The following XRN1 variants were observed in gnomAD, a reference collection of about 807,000 sequenced individuals.
XRN1 encodes the protein 5'-3' exoribonuclease 1.
XRN1 carries 67 observed loss-of-function variants against 222.3 expected under a neutral mutation model. The ratio of observed to expected loss-of-function variants is 0.30; its 90% confidence interval spans 0.25 to 0.37. The LOEUF (loss-of-function observed/expected upper bound fraction) is 0.37. XRN1 is among the 10% of genes least tolerant of loss of function. The pLI is 1.00. For synonymous variants in XRN1, 643 were observed against 652.4 expected (o/e 0.99, Z 0.22); for missense variants, 1,707 against 2,000.2 (o/e 0.85, Z 2.80).
At chr3:142,393,792 T>A (rs2067826199) in intron 20 of XRN1, among the ~76,000 whole-genome samples, 1 of 152,122 alleles carries the variant, frequency 6.6e-6, no homozygotes, top group Admixed American at 6.5e-5. Context: ...CAATTTTATC[T>A]AGGATTTCCA....
intron 37 of XRN1, among the ~76,000 whole-genome samples, chr3:142,323,719 T>A (rs1011016360): frequency 6.6e-6 from 1 of 152,158 alleles, no homozygotes; most frequent in Non-Finnish European, 1.5e-5. Context: ...GGCATGTGCC[T>A]GTAATCCTAG....
chr3:142,418,482 A>G (rs755931031), intron 12 of XRN1, 22 bp downstream of exon 12: 13 of 1,541,364 alleles, frequency 8.4e-6, no homozygotes. Context: ...ATTTTAAAAT[A>G]AAAGCATTGG....
intron 19 of XRN1, among the ~76,000 whole-genome samples, chr3:142,399,607 G>A (rs2068052166): frequency 6.6e-6 from 1 of 151,704 alleles, no homozygotes. Context: ...AAAGGTAGGG[G>A]AATTAAATTC....
At chr3:142,413,632 T>C (rs765479636) in intron 14 of XRN1, among the ~76,000 whole-genome samples, 7 of 152,240 alleles carry the variant, frequency 4.6e-5, no homozygotes, top group Non-Finnish European at 8.8e-5. Context: ...CTGAAATATT[T>C]TCCTCCTGTT....
chr3:142,324,990 A>C (rs2065477682), intron 37 of XRN1, among the ~76,000 whole-genome samples: 1 of 152,130 alleles, frequency 6.6e-6, no homozygotes, highest in Non-Finnish European at 1.5e-5. Context: ...TTGATTTTGT[A>C]TCTTGGCTTT....
chr3:142,426,137 T>G (rs2069236447), intron 3 of XRN1, among the ~76,000 whole-genome samples: 1 of 152,140 alleles, frequency 6.6e-6, no homozygotes, highest in Admixed American at 6.5e-5. Context: ...AAGGGCAAAT[T>G]ACCACTGTTA....
intron 32 of XRN1, among the ~76,000 whole-genome samples, chr3:142,351,157 C>G (rs1420752869): frequency 6.6e-6 from 1 of 151,858 alleles, no homozygotes; most frequent in Non-Finnish European, 1.5e-5. Flanking sequence ...ATCTATGTAT[C>G]TATCTATCTA....
In XRN1 at chr3:142,440,987, G is replaced by T. The variant is rs923162875; in HGVS notation, c.75+6883C>A. Among the ~76,000 whole-genome samples the T allele has an allele frequency of 4.6e-5, 7 of 152,158 alleles. No individual in the cohort carries two copies. The South Asian group carries it at 6.2e-4, about 13-fold the overall frequency. ...GGACACTCTTGTCCTTCGGTACGCG[G>T]ATGATTTACTTTTGGCCGCCCATTC... On this transcript the variant is annotated intron_variant, in intron 1 of 40. Transcript: ENST00000392981.
chr3:142,435,270 T>C (rs55810370), intron 1 of XRN1: 12,038 of 151,758 alleles, frequency 0.079, 1,602 homozygotes, highest in African/African-American at 0.28. Flanking sequence ...TGGTGGCAGG[T>C]GCCTATAGTC....
chr3:142,369,062 A>G (rs990792972), intron 27 of XRN1, among the ~76,000 whole-genome samples: 7 of 152,184 alleles, frequency 4.6e-5, no homozygotes, highest in Admixed American at 1.3e-4. Context: ...ATTCAAACTC[A>G]GGGTGTTAGG....
At chr3:142,357,424 GAATT>G (rs202239943) in intron 30 of XRN1, among the ~76,000 whole-genome samples, 6 of 148,534 alleles carry the variant, frequency 4.0e-5, no homozygotes, top group East Asian at 1.9e-4. Flanking sequence ...GAAAATTTAT[GAATT>G]AATTTTTTTT....
In XRN1 at chr3:142,324,710, C is replaced by G. The variant is rs940591828; in HGVS notation, c.4404+4724G>C. Among the ~76,000 whole-genome samples, 3 of 152,028 alleles carry G rather than the reference C, an allele frequency of 2.0e-5. No individual in the cohort carries two copies. The South Asian group carries it at 6.2e-4, about 31-fold the overall frequency. ...TGGTTGAACTAGTTTACAGTCCCAA[C>G]AACAGTGTAAAAGTGTTCCTATTTC... On this transcript the variant is annotated intron_variant, in intron 37 of 40. Coordinates refer to ENST00000392981, the MANE Select transcript of XRN1 (RefSeq NM_001282857.2).
intron 40 of XRN1, among the ~76,000 whole-genome samples, 173 bp from the exon 41 acceptor site, chr3:142,311,986 A>G (rs2065088943): frequency 6.6e-6 from 1 of 152,188 alleles, no homozygotes; most frequent in South Asian, 2.1e-4. Flanking sequence ...AGTTACAAAC[A>G]AAATATTTAA....
Position 142,307,275 on chromosome 3 carries a change from A to G in XRN1, c.*4236T>C, listed in dbSNP as rs1577190867. 1 of 152,290 alleles carries G rather than the reference A, an allele frequency of 6.6e-6. No homozygotes were observed. Among genetic ancestry groups the G allele is most frequent in the Admixed American group, 6.5e-5 (1 of 15,296 alleles). The allele number at this position is 152,290 out of a possible 1,614,324, so 9.4% of individuals were successfully genotyped here. On this transcript the variant is annotated 3_prime_UTR_variant, in exon 41 of 41. Transcript: ENST00000392981. The stretch of plus-strand genomic sequence containing the variant: ...CAGCATGAGAATTTGGCTTCAAATT[A>G]CTAAAACAGCTACAGAAACCTATTT...
At chr3:142,427,277 G>A (rs1248993147) in intron 2 of XRN1, among the ~76,000 whole-genome samples, 1 of 152,082 alleles carries the variant, frequency 6.6e-6, no homozygotes. Context: ...AGATTGCAAT[G>A]AGTGATGATT....
intron 33 of XRN1, among the ~76,000 whole-genome samples, chr3:142,338,680 T>G (rs1262587045): frequency 6.6e-6 from 1 of 152,130 alleles, no homozygotes; most frequent in Non-Finnish European, 1.5e-5. Context: ...GTGTGGTTTT[T>G]AGATGGCATT....
At chr3:142,384,207 G>GC (rs2067408092) in intron 21 of XRN1, among the ~76,000 whole-genome samples, 2 of 150,406 alleles carry the variant, frequency 1.3e-5, no homozygotes. Context: ...AGAAGGCGGA[G>GC]CCTGCAGTGA....
At chr3:142,378,149 G>A (rs2067196899) in intron 23 of XRN1, among the ~76,000 whole-genome samples, 3 of 152,194 alleles carry the variant, frequency 2.0e-5, no homozygotes, top group Admixed American at 2.0e-4. Flanking sequence ...CAATCAATAA[G>A]AACAAATGAC....
intron 32 of XRN1, among the ~76,000 whole-genome samples, chr3:142,350,228 C>T (rs940790473): frequency 6.6e-6 from 1 of 151,972 alleles, no homozygotes; most frequent in African/African-American, 2.4e-5. Context: ...TGGAAAAGAC[C>T]TTAGAGGTCA....
Sources: gnomAD v4.1 joint callset for allele counts (sites outside exome capture counted in the v4.1 genomes callset) on GRCh38, gnomAD v4.1.1 for gene constraint, MANE v1.5 for transcripts, NCBI Gene and HGNC (gene_info 2026-07-23, HGNC 2026-07-21) for gene names.